Variants in PTH1R observed in about 807,000 individuals in gnomAD.
PTH1R encodes the protein parathyroid hormone 1 receptor.
A neutral mutation model predicts 70.7 loss-of-function variants in PTH1R; 32 were observed. The ratio of observed to expected loss-of-function variants is 0.45; its 90% confidence interval spans 0.34 to 0.61. PTH1R has a LOEUF of 0.61. Among genes scored for constraint, PTH1R ranks in the 20% least tolerant of loss-of-function variants. The pLI is 0.01. For synonymous variants in PTH1R, 329 were observed against 324.8 expected (o/e 1.01, Z -0.14); for missense variants, 626 against 792.5 (o/e 0.79, Z 2.52).
chr3:46,901,912 T>C lies in PTH1R; in HGVS notation c.1211+52T>C, dbSNP rs2032152921. The C allele has an allele frequency of 1.3e-6, 2 of 1,495,920 alleles. No individual in the cohort carries two copies. The highest frequency in any genetic ancestry group is 1.1e-5 in the South Asian group (1 of 88,414). 92.7% of individuals were successfully genotyped at this position (1,495,920 alleles called of 1,614,324 possible). On this transcript the variant is annotated intron_variant, in intron 13 of 15. Coordinates refer to ENST00000449590, the MANE Select transcript of PTH1R (RefSeq NM_000316.3). This position sits in a 1 kb window ranked among gnomAD's most constrained non-coding sequence, Gnocchi z 7.3. ...TGGCTCCTCAGGGGTCCCTGAGTCC[T>C]GGTACCATGTACCCCAGGAAAGACA...
chr3:46,885,262 T>A (rs1180643338), intron 3 of PTH1R, among the ~76,000 whole-genome samples: 1 of 152,156 alleles, frequency 6.6e-6, no homozygotes, highest in African/African-American at 2.4e-5. Context: ...TTGTGGTGCA[T>A]GACTTGGAGG....
chr3:46,896,644 C>T lies in PTH1R; in HGVS notation c.313+775C>T, dbSNP rs2107026709. Among the ~76,000 whole-genome samples the T allele has an allele frequency of 6.6e-6, 1 of 152,284 alleles. No individual in the cohort carries two copies. The highest frequency in any genetic ancestry group is 2.1e-4 in the South Asian group (1 of 4,828). ...CAGGACAGAGAGCCTTTCACCAAGC[C>T]AGGGCGGGTCCAGCCATCAAGGCAG... On this transcript the variant is annotated intron_variant, in intron 5 of 15. Coordinates refer to ENST00000449590, the MANE Select transcript of PTH1R (RefSeq NM_000316.3). The surrounding 1 kb of genome is among the most constrained non-coding windows in gnomAD (Gnocchi z 4.1).
intron 2 of PTH1R, among the ~76,000 whole-genome samples, chr3:46,881,341 G>C (rs2030545216): frequency 6.6e-6 from 1 of 152,030 alleles, no homozygotes; most frequent in African/African-American, 2.4e-5. Flanking sequence ...CAGAAATCCC[G>C]CCCCGTTCAG....
rs527530673 is a variant in PTH1R, at chr3:46,891,672, A to G, written c.76-2235A>G. Among the ~76,000 whole-genome samples, 53 of 152,236 alleles carry G rather than the reference A, an allele frequency of 3.5e-4. No individual in the cohort carries two copies. Among genetic ancestry groups the G allele is most frequent in the African/African-American group, 1.2e-3 (50 of 41,536 alleles). Reference sequence around the variant, plus strand: ...TGTTGGGCAGGTGGCAGTATTGCTGATGGTGCTAATGTTGCCTTGGTGATG... The same window carrying G: ...TGTTGGGCAGGTGGCAGTATTGCTGGTGGTGCTAATGTTGCCTTGGTGATG... On this transcript the variant is annotated intron_variant, in intron 3 of 15. Coordinates refer to ENST00000449590, the MANE Select transcript of PTH1R (RefSeq NM_000316.3). This position sits in a 1 kb window ranked among gnomAD's most constrained non-coding sequence, Gnocchi z 4.3.
Position 46,883,661 on chromosome 3 carries a change from G to A in PTH1R, c.75+27G>A. 2 of 1,545,624 alleles carry A rather than the reference G, an allele frequency of 1.3e-6. No individual in the cohort carries two copies. The highest frequency in any genetic ancestry group is 1.7e-6 in the Non-Finnish European group (2 of 1,146,692). On this transcript the variant is annotated intron_variant, in intron 3 of 15. Transcript: ENST00000449590. This position sits in a 1 kb window ranked among gnomAD's most constrained non-coding sequence, Gnocchi z 6.4. ...TGAGTCCCCCGCCGCCAACACTCCG[G>A]GACAGGCTGCGGGCTTACCCTAGGG...
chr3:46,901,363 T>G lies in PTH1R; in HGVS notation c.1050-51T>G. On this transcript the variant is annotated intron_variant, in intron 11 of 15. Coordinates refer to ENST00000449590, the MANE Select transcript of PTH1R (RefSeq NM_000316.3). The surrounding 1 kb of genome is among the most constrained non-coding windows in gnomAD (Gnocchi z 7.3). ...ACCAAATCTGGGTCTCTGTGGGCAG[T>G]CTTAGGATGGGAACAGGAGGGATGG... 1 of 1,548,896 alleles carries G rather than the reference T, an allele frequency of 6.5e-7. No individual in the cohort carries two copies. The highest frequency in any genetic ancestry group is 8.7e-7 in the Non-Finnish European group (1 of 1,144,624).
rs766982328 is a variant in PTH1R, at chr3:46,883,818, C to T, written c.75+184C>T. Among the ~76,000 whole-genome samples, 18 of 152,164 alleles carry T rather than the reference C, an allele frequency of 1.2e-4. No individual in the cohort carries two copies. The highest frequency in any genetic ancestry group is 1.9e-4 in the Non-Finnish European group (13 of 68,034). On this transcript the variant is annotated intron_variant, in intron 3 of 15. Coordinates refer to ENST00000449590, the MANE Select transcript of PTH1R (RefSeq NM_000316.3). This position sits in a 1 kb window ranked among gnomAD's most constrained non-coding sequence, Gnocchi z 6.4. ...ATGTCTGGACTGTGGGTTCCAGCTG[C>T]CTGAAGCCTCCCTATTTCTGAAGCC...
chr3:46,880,349 G>A (rs1046260910), intron 1 of PTH1R: 1 of 152,258 alleles, frequency 6.6e-6, no homozygotes, highest in Non-Finnish European at 1.5e-5. Flanking sequence ...GTTAGGGAGA[G>A]TCATTTTTGG....
chr3:46,889,845 TC>T (rs1237977867), intron 3 of PTH1R, among the ~76,000 whole-genome samples: 5 of 152,022 alleles, frequency 3.3e-5, no homozygotes, highest in African/African-American at 1.2e-4. Flanking sequence ...GATCTGCAGA[TC>T]CGCTGGATCT....
rs1559538606 is a variant in PTH1R, at chr3:46,902,235, G to A, written c.1212-291G>A. 2.6e-5 allele frequency among the ~76,000 whole-genome samples: 4 copies of A among 152,170 alleles called. No homozygotes were observed. The highest frequency in any genetic ancestry group is 2.1e-4 in the South Asian group (1 of 4,832). On this transcript the variant is annotated intron_variant, in intron 13 of 15. Coordinates refer to ENST00000449590, the MANE Select transcript of PTH1R (RefSeq NM_000316.3). The surrounding 1 kb of genome is among the most constrained non-coding windows in gnomAD (Gnocchi z 5.4). Reference sequence around the variant, plus strand: ...AGCGGACTGTGGGATAGTGAGGTTCGACCGTGGAGGGGAGTGCTTGCCAGC... The same window carrying A: ...AGCGGACTGTGGGATAGTGAGGTTCAACCGTGGAGGGGAGTGCTTGCCAGC...
In PTH1R at chr3:46,898,748, C is replaced by A. The variant is rs749642622; in HGVS notation, c.725C>A (p.Ala242Asp). ...LRAVSIFVKDAVLYSGATLDE... is the reference protein window; with the variant it reads ...LRAVSIFVKDDVLYSGATLDE... The stretch of plus-strand genomic sequence containing the variant: ...GCCGTGAGCATCTTCGTCAAGGACG[C>A]TGTGCTCTACTCTGGCGCCACGCTT... The change falls in exon 9 of 16, where the codon GCT (alanine) becomes GAT (aspartate). Residue 242 changes from alanine (A) to aspartate (D), a missense_variant. Coordinates refer to ENST00000449590, the MANE Select transcript of PTH1R (RefSeq NM_000316.3). 1.9e-6 allele frequency: 3 copies of A among 1,609,302 alleles called. No individual in the cohort carries two copies. The highest frequency in any genetic ancestry group is 1.7e-6 in the Non-Finnish European group (2 of 1,179,384).
chr3:46,897,966 G>T lies in PTH1R; in HGVS notation c.424+1G>T. 3 of 1,614,158 alleles carry T rather than the reference G, an allele frequency of 1.9e-6. No individual in the cohort carries two copies. The highest frequency in any genetic ancestry group is 2.5e-6 in the Non-Finnish European group (3 of 1,180,020). ...TACATTTATGACTTCAATCACAAAG[G>T]TGAGGCCTGCTGGAAGGGGTGGGGA... On this transcript the variant is annotated splice_donor_variant, in intron 6 of 15. Coordinates refer to ENST00000449590, the MANE Select transcript of PTH1R (RefSeq NM_000316.3). LOFTEE classifies it high-confidence loss of function.
rs766289563 is a variant in PTH1R at position 46,903,708 on chromosome 3, A to G, written c.*52A>G. The G allele has an allele frequency of 2.5e-6, 4 of 1,600,562 alleles. No homozygotes were observed. In the East Asian group the frequency reaches 6.7e-5, roughly 27 times the overall value. On this transcript the variant is annotated 3_prime_UTR_variant, in exon 16 of 16. Coordinates refer to ENST00000449590, the MANE Select transcript of PTH1R (RefSeq NM_000316.3). The surrounding 1 kb of genome is among the most constrained non-coding windows in gnomAD (Gnocchi z 4.4). Reference sequence around the variant, plus strand: ...ACATAGTGGATGGACAGATGGACCAAAAGATGGGTGGTTGAATGATTTCCC... The same window carrying G: ...ACATAGTGGATGGACAGATGGACCAGAAGATGGGTGGTTGAATGATTTCCC...
At position 46,883,699 on chromosome 3, in the gene PTH1R, G is replaced by A; in HGVS notation, c.75+65G>A. 1.3e-6 allele frequency: 2 copies of A among 1,529,594 alleles called. No homozygotes were observed. Among genetic ancestry groups the A allele is most frequent in the Non-Finnish European group, 8.8e-7 (1 of 1,135,234 alleles). 94.8% of individuals were successfully genotyped at this position (1,529,594 alleles called of 1,614,324 possible). A position where few individuals can be genotyped will look rare whatever the true frequency, so the allele number is the denominator to read the frequency against. On this transcript the variant is annotated intron_variant, in intron 3 of 15. Transcript: ENST00000449590. This position sits in a 1 kb window ranked among gnomAD's most constrained non-coding sequence, Gnocchi z 6.4. ...GCTTACCCTAGGGTCCGCGGGATAG[G>A]TCTAAGGCACGCAGTCTTGAGTTCC...
At chr3:46,880,775 C>CAGA (rs10662038) in intron 1 of PTH1R, among the ~76,000 whole-genome samples, 28,074 of 151,850 alleles carry the variant, frequency 0.18, 6,030 homozygotes, top group African/African-American at 0.52. Context: ...AAAGTAGCAG[C>CAGA]AGAAGAAATA....
chr3:46,899,487 G>A lies in PTH1R; in HGVS notation c.988+31G>A, dbSNP rs755754052. 2.2e-5 allele frequency: 35 copies of A among 1,600,500 alleles called. 1 individual carries two copies. Among genetic ancestry groups the A allele is most frequent in the Admixed American group, 1.3e-4 (8 of 59,818 alleles). The stretch of plus-strand genomic sequence containing the variant: ...CGGGCACAGCGGGTAGCGAGGTGCC[G>A]GCAGGGGTGGGACCGTGGGTGACAG... On this transcript the variant is annotated intron_variant, in intron 10 of 15. Transcript: ENST00000449590.
intron 3 of PTH1R, among the ~76,000 whole-genome samples, chr3:46,887,058 G>A (rs1259978936): frequency 6.6e-6 from 1 of 151,958 alleles, no homozygotes; most frequent in African/African-American, 2.4e-5. Context: ...GGCCAACATG[G>A]TGAAACCCCC....
Position 46,892,934 on chromosome 3 carries a change from C to A in PTH1R, c.76-973C>A. The A allele has an allele frequency of 2.3e-6, 1 of 435,386 alleles. No homozygotes were observed. Among genetic ancestry groups the A allele is most frequent in the Non-Finnish European group, 3.1e-6 (1 of 326,232 alleles). The allele number at this position is 435,386 out of a possible 1,614,324, so 27.0% of individuals were successfully genotyped here. A position where few individuals can be genotyped will look rare whatever the true frequency, so the allele number is the denominator to read the frequency against. On this transcript the variant is annotated intron_variant, in intron 3 of 15. Coordinates refer to ENST00000449590, the MANE Select transcript of PTH1R (RefSeq NM_000316.3). The surrounding 1 kb of genome is among the most constrained non-coding windows in gnomAD (Gnocchi z 5.2). The stretch of plus-strand genomic sequence containing the variant: ...TCACAGCCCCGCCCTGGGGAGGTTT[C>A]AGAGACCGCCTTAACCTCTGCGGGT...
Position 46,902,876 on chromosome 3 carries a change from C to A in PTH1R, c.1395+86C>A. 6.4e-7 allele frequency: 1 copy of A among 1,556,120 alleles called. No individual in the cohort carries two copies. Among genetic ancestry groups the A allele is most frequent in the South Asian group, 1.1e-5 (1 of 89,728 alleles). Reference sequence around the variant, plus strand: ...AAGGCTCATTTCTCCATTCTTCCACCCTGTTATTTCTTTGTTCCTCCAAGA... The same window carrying A: ...AAGGCTCATTTCTCCATTCTTCCACACTGTTATTTCTTTGTTCCTCCAAGA... On this transcript the variant is annotated intron_variant, in intron 15 of 15. Transcript: ENST00000449590. The surrounding 1 kb of genome is among the most constrained non-coding windows in gnomAD (Gnocchi z 5.4).
Sources: gnomAD v4.1 joint callset for allele counts (sites outside exome capture counted in the v4.1 genomes callset) on GRCh38, gnomAD v4.1.1 for gene constraint, Gnocchi (gnomAD v3.1) non-coding constraint, MANE v1.5 for transcripts, NCBI Gene and HGNC (gene_info 2026-07-23, HGNC 2026-07-21) for gene names.